The following ITGA9 variants were observed in gnomAD, a reference collection of about 807,000 sequenced individuals.
The protein encoded by ITGA9 is integrin alpha-9.
In ITGA9, 56 loss-of-function variants were observed where a neutral mutation model predicts 127.8. The ratio of observed to expected loss-of-function variants is 0.44; its 90% confidence interval spans 0.35 to 0.55. The LOEUF is 0.55. Among genes scored for constraint, ITGA9 ranks in the 20% least tolerant of loss-of-function variants. The pLI is 0.00. For synonymous variants in ITGA9, 508 were observed against 514.5 expected (o/e 0.99, Z 0.17); for missense variants, 1,196 against 1,347.1 (o/e 0.89, Z 1.76).
intron 16 of ITGA9, among the ~76,000 whole-genome samples, chr3:37,634,672 T>C (rs1365143891): frequency 6.6e-6 from 1 of 152,212 alleles, no homozygotes; most frequent in African/African-American, 2.4e-5. Context: ...AGTACCCCAC[T>C]TTCTGCAATG....
At chr3:37,812,828 A>G (rs1559606109) in intron 27 of ITGA9, among the ~76,000 whole-genome samples, 1 of 152,380 alleles carries the variant, frequency 6.6e-6, no homozygotes, top group East Asian at 1.9e-4. Context: ...TCCAGAAAAA[A>G]TGCAGAAAAA....
intron 15 of ITGA9, among the ~76,000 whole-genome samples, chr3:37,611,732 C>T (rs552636549): frequency 6.6e-6 from 1 of 152,224 alleles, no homozygotes; most frequent in East Asian, 1.9e-4. Context: ...GATTTTCACA[C>T]ACCACTAAGG....
intron 16 of ITGA9, among the ~76,000 whole-genome samples, chr3:37,648,699 C>G (rs937123322): frequency 6.6e-6 from 1 of 151,912 alleles, no homozygotes; most frequent in Admixed American, 6.6e-5. Flanking sequence ...CTGTGCTTCT[C>G]AAGTTGAAAT....
At chr3:37,803,456 G>A (rs956707403) in intron 26 of ITGA9, among the ~76,000 whole-genome samples, 1 of 152,190 alleles carries the variant, frequency 6.6e-6, no homozygotes, top group African/African-American at 2.4e-5. Flanking sequence ...GTCAAGCCCA[G>A]GCTGGGCTCC....
intron 22 of ITGA9, chr3:37,749,414 A>G (rs768401481): frequency 6.5e-6 from 1 of 152,940 alleles, no homozygotes; most frequent in African/African-American, 2.4e-5. Flanking sequence ...CACAGGTTCC[A>G]CAGATGAGGA....
chr3:37,621,376 T>G (rs2027626), intron 15 of ITGA9, among the ~76,000 whole-genome samples: 42,053 of 152,168 alleles, frequency 0.28, 6,501 homozygotes, highest in East Asian at 0.43. Context: ...AAAATGTCCA[T>G]GCACTCTTTC....
chr3:37,494,365 C>T, intron 4 of ITGA9, 136 bp from the exon 5 acceptor site: 1 of 714,754 alleles, frequency 1.4e-6, no homozygotes, highest in Non-Finnish European at 2.6e-6. Flanking sequence ...TTCCTCACCC[C>T]AGTCTGGATG....
chr3:37,458,350 G>T (rs542259527), intron 1 of ITGA9, among the ~76,000 whole-genome samples: 1 of 152,300 alleles, frequency 6.6e-6, no homozygotes, highest in Admixed American at 6.5e-5. Flanking sequence ...TGAGAGAATT[G>T]TTGGGGGCGG....
At chr3:37,741,682 G>T in intron 20 of ITGA9, 48 bp from the exon 21 acceptor site, 3 of 1,449,694 alleles carry the variant, frequency 2.1e-6, no homozygotes, top group Non-Finnish European at 2.9e-6. Context: ...CCCACTGCTG[G>T]ACAGCTAGTG....
chr3:37,669,712 A>G (rs1700618778), intron 17 of ITGA9, among the ~76,000 whole-genome samples: 1 of 152,074 alleles, frequency 6.6e-6, no homozygotes, highest in South Asian at 2.1e-4. Context: ...TTATTTTTAT[A>G]TTTAAAAACC....
At chr3:37,729,811 C>A (rs1696264841) in intron 18 of ITGA9, among the ~76,000 whole-genome samples, 2 of 145,522 alleles carry the variant, frequency 1.4e-5, no homozygotes, top group South Asian at 4.4e-4. Flanking sequence ...TCAAGTGATT[C>A]TCCTGCCGCA....
chr3:37,707,553 C>A (rs1701020546), intron 18 of ITGA9, among the ~76,000 whole-genome samples: 2 of 152,074 alleles, frequency 1.3e-5, no homozygotes, highest in Admixed American at 6.5e-5. Context: ...TTCAGAATGT[C>A]ATTCCTCAGC....
In ITGA9 at chr3:37,476,005, G is replaced by A. The variant is rs191275524; in HGVS notation, c.420+2545G>A. Among the ~76,000 whole-genome samples, 13 of 152,308 alleles carry A rather than the reference G, an allele frequency of 8.5e-5. No homozygotes were observed. In the East Asian group the frequency reaches 2.3e-3, roughly 27 times the overall value. Reference sequence around the variant, plus strand: ...GCATAATGTCCTCAAGGTTCATCATGTTGTAGCATGTGACCGGATCTCCTT... The same window carrying A: ...GCATAATGTCCTCAAGGTTCATCATATTGTAGCATGTGACCGGATCTCCTT... On this transcript the variant is annotated intron_variant, in intron 3 of 27. Transcript: ENST00000264741.
chr3:37,462,030 G>T (rs1448737127), intron 1 of ITGA9, among the ~76,000 whole-genome samples: 1 of 152,176 alleles, frequency 6.6e-6, no homozygotes, highest in Non-Finnish European at 1.5e-5. Flanking sequence ...CCAACAAGAA[G>T]ATATCAAGGC....
intron 15 of ITGA9, among the ~76,000 whole-genome samples, chr3:37,549,329 CA>C (rs1699358375): frequency 6.6e-6 from 1 of 152,192 alleles, no homozygotes; most frequent in Non-Finnish European, 1.5e-5. Context: ...AAGGAAGGCA[CA>C]AAAATTCTAA....
At chr3:37,457,205 G>T (rs115427173) in intron 1 of ITGA9, among the ~76,000 whole-genome samples, 6 of 152,206 alleles carry the variant, frequency 3.9e-5, no homozygotes, top group Admixed American at 6.5e-5. Context: ...ATAAAACACC[G>T]CAGGGCCTGA....
intron 15 of ITGA9, among the ~76,000 whole-genome samples, chr3:37,605,452 G>A (rs919201866): frequency 6.6e-6 from 1 of 152,122 alleles, no homozygotes; most frequent in Non-Finnish European, 1.5e-5. Context: ...GAGAGTCTGA[G>A]GTGCAAGAAA....
At chr3:37,740,579 G>A (rs886528590) in intron 20 of ITGA9, among the ~76,000 whole-genome samples, 12 of 152,238 alleles carry the variant, frequency 7.9e-5, no homozygotes, top group African/African-American at 2.2e-4. Context: ...TGAGCTGGTT[G>A]GAATCTCAGC....
chr3:37,615,142 CA>C (rs1700061599), intron 15 of ITGA9, among the ~76,000 whole-genome samples: 1 of 152,186 alleles, frequency 6.6e-6, no homozygotes, highest in African/African-American at 2.4e-5. Flanking sequence ...TAGGTCCCAT[CA>C]ATACCTAATC....
Sources: gnomAD v4.1 joint callset for allele counts (sites outside exome capture counted in the v4.1 genomes callset) on GRCh38, gnomAD v4.1.1 for gene constraint, MANE v1.5 for transcripts, NCBI Gene and HGNC (gene_info 2026-07-23, HGNC 2026-07-21) for gene names.